CNNM4: variants seen among roughly 807,000 people sequenced by gnomAD.
CNNM4 encodes the protein cyclin and CBS domain divalent metal cation transport mediator 4, also known as metal transporter CNNM4.
In CNNM4, 32 loss-of-function variants were observed where a neutral mutation model predicts 53.7. The observed-to-expected ratio is 0.60, with a 90% confidence interval of 0.45 to 0.80. The LOEUF is 0.80. Among genes scored for constraint, CNNM4 ranks in the 30% least tolerant of loss-of-function variants. The pLI, the probability that CNNM4 is intolerant of heterozygous loss-of-function variation, is 0.00. For missense variants in CNNM4, 784 were observed against 1,022.0 expected, an observed-to-expected ratio of 0.77 and a Z score of 3.17; for synonymous variants, 410 against 440.0, an observed-to-expected ratio of 0.93 and a Z score of 0.85.
chr2:96,801,872 A>T lies in CNNM4; in HGVS notation c.1948+2224A>T, dbSNP rs148411285. Among the ~76,000 whole-genome samples, 4 of 152,006 alleles carry T rather than the reference A, an allele frequency of 2.6e-5. No individual in the cohort carries two copies. The highest frequency in any genetic ancestry group is 9.7e-5 in the African/African-American group (4 of 41,428). On this transcript the variant is annotated intron_variant, in intron 5 of 6. Coordinates refer to ENST00000377075, the MANE Select transcript of CNNM4 (RefSeq NM_020184.4). The surrounding 1 kb of genome is among the most constrained non-coding windows in gnomAD (Gnocchi z 5.6). ...AGATGCCACAGAGGCATACACAGAGAAACACCCGTAGACACACCAGGATAC... is the reference window on the plus strand; with the variant it reads ...AGATGCCACAGAGGCATACACAGAGTAACACCCGTAGACACACCAGGATAC...
chr2:96,793,205 G>C (rs916103439), intron 1 of CNNM4, among the ~76,000 whole-genome samples: 6 of 152,124 alleles, frequency 3.9e-5, no homozygotes, highest in African/African-American at 1.4e-4. Context: ...CCGTTGGTCA[G>C]CAGGTCATCT....
rs760782158 is a variant in CNNM4, at chr2:96,808,762, G to A, written c.2130+20G>A. 2 of 1,611,580 alleles carry A rather than the reference G, an allele frequency of 1.2e-6. No individual in the cohort carries two copies. The highest frequency in any genetic ancestry group is 1.7e-6 in the Non-Finnish European group (2 of 1,177,790). Reference sequence around the variant, plus strand: ...ATCAAGGTGAGTGCCTCACTGCCCTGTCTGGGCAGTGCTATCTTCTGCTCA... The same window carrying A: ...ATCAAGGTGAGTGCCTCACTGCCCTATCTGGGCAGTGCTATCTTCTGCTCA... On this transcript the variant is annotated intron_variant, in intron 6 of 6. Transcript: ENST00000377075. This position sits in a 1 kb window ranked among gnomAD's most constrained non-coding sequence, Gnocchi z 4.9.
chr2:96,768,760 A>G (rs1478969886), intron 1 of CNNM4, among the ~76,000 whole-genome samples: 1 of 152,180 alleles, frequency 6.6e-6, no homozygotes, highest in East Asian at 1.9e-4. Context: ...CTGCCTGGAC[A>G]TTTTGTTGAA....
Position 96,801,005 on chromosome 2 carries a change from C to T in CNNM4, c.1948+1357C>T. 1 of 754,580 alleles carries T rather than the reference C, an allele frequency of 1.3e-6. No individual in the cohort carries two copies. Among genetic ancestry groups the T allele is most frequent in the South Asian group, 6.0e-5 (1 of 16,694 alleles). The allele number at this position is 754,580 out of a possible 1,614,324, so 46.7% of individuals were successfully genotyped here. A position where few individuals can be genotyped will look rare whatever the true frequency, so the allele number is the denominator to read the frequency against. On this transcript the variant is annotated intron_variant, in intron 5 of 6. Coordinates refer to ENST00000377075, the MANE Select transcript of CNNM4 (RefSeq NM_020184.4). This position sits in a 1 kb window ranked among gnomAD's most constrained non-coding sequence, Gnocchi z 5.6. ...CTGGCCCCGTCAGGTCTGCCTCTGTCCTGTGCCTGTGGTTCCGTGTCCTGT... is the reference window on the plus strand; with the variant it reads ...CTGGCCCCGTCAGGTCTGCCTCTGTTCTGTGCCTGTGGTTCCGTGTCCTGT...
At chr2:96,786,710 C>T (rs968231000) in intron 1 of CNNM4, among the ~76,000 whole-genome samples, 1 of 135,862 alleles carries the variant, frequency 7.4e-6, no homozygotes, top group Non-Finnish European at 1.5e-5. Flanking sequence ...ACTTGGGAAG[C>T]GGAGGTTGCA....
intron 5 of CNNM4, among the ~76,000 whole-genome samples, chr2:96,803,309 G>A (rs143235954): frequency 6.6e-6 from 1 of 152,152 alleles, no homozygotes; most frequent in African/African-American, 2.4e-5. Flanking sequence ...CATATTCATG[G>A]GGGTCTTTAT....
chr2:96,762,348 A>G lies in CNNM4; in HGVS notation c.1349A>G (p.His450Arg), dbSNP rs763208011. The G allele has an allele frequency of 1.2e-6, 2 of 1,614,160 alleles. No individual in the cohort carries two copies. The highest frequency in any genetic ancestry group is 1.3e-5 in the African/African-American group (1 of 75,046). ...ACTCGCTTCTATAACCACCCGGTGC[A>G]CTTTGTCTTCCATGACACCAAGTTG... Reference protein sequence around the residue: ...TITRFYNHPVHFVFHDTKLDA... With the variant: ...TITRFYNHPVRFVFHDTKLDA... The change falls in exon 1 of 7, where the codon CAC becomes CGC. Residue 450 changes from histidine (H) to arginine (R), a missense_variant. His to Arg is a conservative substitution (Grantham distance 29). This residue lies in a region of CNNM4 where 473 missense variants were observed against 624.6 expected (regional missense o/e 0.76). Transcript: ENST00000377075.
intron 1 of CNNM4, among the ~76,000 whole-genome samples, chr2:96,792,453 C>T (rs1476984326): frequency 6.6e-6 from 1 of 151,978 alleles, no homozygotes; most frequent in Non-Finnish European, 1.5e-5. Context: ...TCCCCGCTCC[C>T]CTTCCCCTCA....
At position 96,808,408 on chromosome 2, in the gene CNNM4, G is replaced by C. The variant is rs1181444586; in HGVS notation, c.1949-153G>C. 6.6e-6 allele frequency among the ~76,000 whole-genome samples: 1 copy of C among 152,210 alleles called. No individual in the cohort carries two copies. Among genetic ancestry groups the C allele is most frequent in the Non-Finnish European group, 1.5e-5 (1 of 68,046 alleles). On this transcript the variant is annotated intron_variant, in intron 5 of 6. Coordinates refer to ENST00000377075, the MANE Select transcript of CNNM4 (RefSeq NM_020184.4). The surrounding 1 kb of genome is among the most constrained non-coding windows in gnomAD (Gnocchi z 4.9). The stretch of plus-strand genomic sequence containing the variant: ...CTTTAACGAAGTCAGACCTTATGCA[G>C]TCAGACCTTCTACATGCTTCTGTTT...
chr2:96,784,686 C>T (rs1274540496), intron 1 of CNNM4, among the ~76,000 whole-genome samples: 1 of 152,174 alleles, frequency 6.6e-6, no homozygotes, highest in Non-Finnish European at 1.5e-5. Flanking sequence ...TGTATCCCAG[C>T]CTGATCACCC....
chr2:96,801,738 ACC>A lies in CNNM4; in HGVS notation c.1948+2092_1948+2093del, dbSNP rs2079161279. Among the ~76,000 whole-genome samples the A allele has an allele frequency of 6.6e-6, 1 of 151,126 alleles. No homozygotes were observed. The highest frequency in any genetic ancestry group is 1.5e-5 in the Non-Finnish European group (1 of 67,730). Reference sequence around the variant, plus strand: ...CCACACACATGCAGAGACCACACACACCCAGAGACCACACACCCAGACACACA... The same window carrying A: ...CCACACACATGCAGAGACCACACACACAGAGACCACACACCCAGACACACA... On this transcript the variant is annotated intron_variant, in intron 5 of 6. Coordinates refer to ENST00000377075, the MANE Select transcript of CNNM4 (RefSeq NM_020184.4). This position sits in a 1 kb window ranked among gnomAD's most constrained non-coding sequence, Gnocchi z 5.6.
At chr2:96,799,034 G>A (rs375297556) in intron 3 of CNNM4, 23 bp from the exon 4 acceptor site, 80 of 1,613,102 alleles carry the variant, frequency 5.0e-5, no homozygotes, top group Non-Finnish European at 6.4e-5. Context: ...CCCGTGTGAG[G>A]TCTCTTCTCT....
At chr2:96,765,024 G>GTTTTGTTTTTTTTTTTTT (rs2078801834) in intron 1 of CNNM4, among the ~76,000 whole-genome samples, 1 of 41,518 alleles carries the variant, frequency 2.4e-5, no homozygotes, top group African/African-American at 8.8e-5. Flanking sequence ...GTTGGGAATG[G>GTTTTGTTTTTTTTTTTTT]TTTTTTTTTT....
chr2:96,778,244 A>G (rs895119010), intron 1 of CNNM4, among the ~76,000 whole-genome samples: 2 of 151,564 alleles, frequency 1.3e-5, no homozygotes, highest in African/African-American at 4.8e-5. Context: ...ATAGTTATGT[A>G]TATCTGGACC....
At chr2:96,768,055 T>C (rs1247107977) in intron 1 of CNNM4, among the ~76,000 whole-genome samples, 3 of 152,182 alleles carry the variant, frequency 2.0e-5, no homozygotes, top group Non-Finnish European at 2.9e-5. Flanking sequence ...AGAGCAAGAC[T>C]CTGTCTCAAA....
intron 1 of CNNM4, among the ~76,000 whole-genome samples, chr2:96,786,614 TAAAAAATAC>T (rs2079018322): frequency 6.6e-6 from 1 of 151,208 alleles, no homozygotes; most frequent in Non-Finnish European, 1.5e-5. Flanking sequence ...CCCCGTCTAC[TAAAAAATAC>T]AAAAAATTAG....
chr2:96,809,715 T>A lies in CNNM4; in HGVS notation c.*198T>A. On this transcript the variant is annotated 3_prime_UTR_variant, in exon 7 of 7. Transcript: ENST00000377075. ...GCTCTGAGGTGGCACTGTCCAGCCC[T>A]GGATAGGGGGGGCAGTGGGCCAGCT... The A allele has an allele frequency of 1.9e-6, 1 of 535,182 alleles. No individual in the cohort carries two copies. The highest frequency in any genetic ancestry group is 3.3e-6 in the Non-Finnish European group (1 of 302,510). The allele number at this position is 535,182 out of a possible 1,614,324, so 33.2% of individuals were successfully genotyped here.
chr2:96,805,306 C>T (rs933747142), intron 5 of CNNM4, among the ~76,000 whole-genome samples: 1 of 150,790 alleles, frequency 6.6e-6, no homozygotes, highest in Non-Finnish European at 1.5e-5. Flanking sequence ...AAACTGTAAA[C>T]TAGGAAACTG....
In CNNM4 at chr2:96,808,754, A is replaced by C; in HGVS notation, c.2130+12A>C. 6.2e-7 allele frequency: 1 copy of C among 1,613,302 alleles called. No individual in the cohort carries two copies. The highest frequency in any genetic ancestry group is 2.2e-5 in the East Asian group (1 of 44,872). ...TGCAGTACATCAAGGTGAGTGCCTC[A>C]CTGCCCTGTCTGGGCAGTGCTATCT... is the stretch of plus-strand genomic sequence containing the variant. On this transcript the variant is annotated intron_variant, in intron 6 of 6. Coordinates refer to ENST00000377075, the MANE Select transcript of CNNM4 (RefSeq NM_020184.4). This position sits in a 1 kb window ranked among gnomAD's most constrained non-coding sequence, Gnocchi z 4.9.
Sources: allele counts gnomAD v4.1 joint callset (sites outside exome capture counted in the v4.1 genomes callset), GRCh38; gene constraint gnomAD v4.1.1; regional missense constraint gnomAD v4.1.1; non-coding constraint Gnocchi (gnomAD v3.1); transcripts MANE v1.5; gene names NCBI Gene and HGNC (gene_info 2026-07-23, HGNC 2026-07-21).